Variants in UTRN observed in about 807,000 individuals in gnomAD.
UTRN encodes utrophin, also known as dystrophin-related protein 1.
A neutral mutation model predicts 463.9 loss-of-function variants in UTRN; 283 were observed. The observed-to-expected ratio is 0.61, with a 90% confidence interval of 0.55 to 0.67. The LOEUF is 0.67. Ranked by LOEUF, UTRN falls within the 30% of genes least tolerant of loss-of-function variation. The pLI is 0.00. For synonymous variants in UTRN, 1,442 were observed against 1,431.5 expected (o/e 1.01, Z -0.17); for missense variants, 3,922 against 4,084.3 (o/e 0.96, Z 1.08).
chr6:144,841,184 A>T (rs374607407), intron 73 of UTRN, among the ~76,000 whole-genome samples: 1 of 152,342 alleles, frequency 6.6e-6, no homozygotes, highest in East Asian at 1.9e-4. Flanking sequence ...AAGAGCTTTC[A>T]GTGGCATGCC....
chr6:144,560,249 T>C (rs1585274306), intron 50 of UTRN, among the ~76,000 whole-genome samples: 1 of 152,174 alleles, frequency 6.6e-6, no homozygotes, highest in African/African-American at 2.4e-5. Context: ...CAGGCTCTTA[T>C]TGTCTCTAAA....
intron 62 of UTRN, among the ~76,000 whole-genome samples, chr6:144,793,127 A>G (rs1178024452): frequency 6.6e-6 from 1 of 152,148 alleles, no homozygotes; most frequent in Non-Finnish European, 1.5e-5. Context: ...TTCTTATATA[A>G]AATAGATGTG....
chr6:144,404,250 T>C (rs910214057), intron 3 of UTRN, among the ~76,000 whole-genome samples: 1 of 152,194 alleles, frequency 6.6e-6, no homozygotes, highest in Non-Finnish European at 1.5e-5. Flanking sequence ...GGGTTAAAAA[T>C]ACAGAGAATT....
At chr6:144,783,392 G>A (rs1320704144) in intron 61 of UTRN, among the ~76,000 whole-genome samples, 1 of 152,140 alleles carries the variant, frequency 6.6e-6, no homozygotes, top group African/African-American at 2.4e-5. Flanking sequence ...AATGATGACA[G>A]TAGCTTTAGC....
At chr6:144,397,684 T>C (rs1782567703) in intron 2 of UTRN, among the ~76,000 whole-genome samples, 1 of 152,134 alleles carries the variant, frequency 6.6e-6, no homozygotes. Flanking sequence ...AGGCTTATTC[T>C]ATCTAGAATG....
At chr6:144,772,140 T>C (rs903244143) in intron 59 of UTRN, among the ~76,000 whole-genome samples, 172 bp downstream of exon 59, 14 of 147,264 alleles carry the variant, frequency 9.5e-5, no homozygotes, top group Non-Finnish European at 1.5e-4. Context: ...TTCAAGCAAT[T>C]CTCCTGCCTT....
intron 51 of UTRN, among the ~76,000 whole-genome samples, chr6:144,618,072 G>C (rs924008889): frequency 3.3e-5 from 5 of 152,174 alleles, no homozygotes; most frequent in Non-Finnish European, 7.3e-5. Flanking sequence ...ACATGTGAGT[G>C]TTAATGCACT....
intron 2 of UTRN, among the ~76,000 whole-genome samples, chr6:144,337,590 C>T (rs769032076): frequency 3.9e-5 from 6 of 152,014 alleles, no homozygotes; most frequent in Admixed American, 6.6e-5. Context: ...GGTCTGGCTC[C>T]GTGTGGTTTG....
At chr6:144,495,329 C>T (rs1382247508) in intron 33 of UTRN, among the ~76,000 whole-genome samples, 7 of 152,254 alleles carry the variant, frequency 4.6e-5, no homozygotes, top group African/African-American at 1.2e-4. Flanking sequence ...AGAAATTGAG[C>T]GCAGCGCCGG....
chr6:144,331,734 T>C (rs1179376552), intron 2 of UTRN, among the ~76,000 whole-genome samples: 1 of 152,196 alleles, frequency 6.6e-6, no homozygotes, highest in African/African-American at 2.4e-5. Context: ...GTGCTCATGA[T>C]ACATACTATG....
Position 144,429,751 on chromosome 6 carries a change from A to G in UTRN, c.855+10A>G. 1 of 1,601,290 alleles carries G rather than the reference A, an allele frequency of 6.2e-7. No individual in the cohort carries two copies. ...GGCAATTAATATACAGGTACAGGTA[A>G]CATTTTATTAAGATGTTTGGCTTGC... is the stretch of plus-strand genomic sequence containing the variant. On this transcript the variant is annotated intron_variant, in intron 9 of 74. Transcript: ENST00000367545.
intron 25 of UTRN, 46 bp from the exon 26 acceptor site, chr6:144,479,766 A>G: frequency 6.4e-7 from 1 of 1,569,968 alleles, no homozygotes; most frequent in Non-Finnish European, 8.6e-7. Flanking sequence ...TTGACATTGA[A>G]CACATTAACA....
chr6:144,322,120 A>C (rs982759308), intron 2 of UTRN, among the ~76,000 whole-genome samples: 4 of 152,228 alleles, frequency 2.6e-5, no homozygotes, highest in Non-Finnish European at 5.9e-5. Context: ...CTCCAAGCAA[A>C]TGATAATTAA....
intron 51 of UTRN, among the ~76,000 whole-genome samples, chr6:144,635,961 ATG>A (rs1299845734): frequency 1.3e-5 from 2 of 152,030 alleles, no homozygotes; most frequent in African/African-American, 2.4e-5. Flanking sequence ...AAATATATGA[ATG>A]TGGTGACTTT....
At chr6:144,531,864 G>A (rs4075776) in intron 42 of UTRN, among the ~76,000 whole-genome samples, 32,317 of 152,030 alleles carry the variant, frequency 0.21, 3,648 homozygotes, top group Middle Eastern at 0.28. Flanking sequence ...GTGGCCGGGC[G>A]CGGTGCCTCA....
chr6:144,842,045 G>A lies in UTRN; in HGVS notation c.10270+1213G>A, dbSNP rs552920945. 2.8e-5 allele frequency among the ~76,000 whole-genome samples: 4 copies of A among 143,138 alleles called. No individual in the cohort carries two copies. The East Asian group carries it at 9.2e-4, about 33-fold the overall frequency. The allele number at this position is 143,138 out of a possible 152,430, so 93.9% of individuals were successfully genotyped here. ...GAATCGCTTGAACCTGGGAGGTAGA[G>A]GTTGCAATGAGCCGAGATCGTGCCA... On this transcript the variant is annotated intron_variant, in intron 73 of 74. Coordinates refer to ENST00000367545, the MANE Select transcript of UTRN (RefSeq NM_007124.3).
rs776043248 is a variant in UTRN, at chr6:144,700,102, C to T, written c.7668C>T (p.Ala2556=). ...KSASIRAHLE[A]SAEKWNRLLM... Reference sequence around the variant, plus strand: ...CTCTCAACAGGGCCCATTTGGAGGCCAGCGCTGAGAAGTGGAACAGGTTGC... The same window carrying T: ...CTCTCAACAGGGCCCATTTGGAGGCTAGCGCTGAGAAGTGGAACAGGTTGC... Residue 2556 remains alanine (A), a synonymous_variant, in exon 53 of 75, where the codon GCC becomes GCT. Transcript: ENST00000367545. The T allele has an allele frequency of 6.2e-7, 1 of 1,601,922 alleles. No homozygotes were observed. Among genetic ancestry groups the T allele is most frequent in the Admixed American group, 1.7e-5 (1 of 59,738 alleles).
Position 144,827,597 on chromosome 6 carries a change from T to G in UTRN, c.9534-14T>G. On this transcript the variant is annotated splice_polypyrimidine_tract_variant and intron_variant, in intron 67 of 74. Transcript: ENST00000367545. Reference sequence around the variant, plus strand: ...TTGGGCATAAAATTATTGCTTTGTTTTTTTCTTTTAAAGCCCCTCACAATC... The same window carrying G: ...TTGGGCATAAAATTATTGCTTTGTTGTTTTCTTTTAAAGCCCCTCACAATC... The G allele has an allele frequency of 6.2e-7, 1 of 1,613,414 alleles. No individual in the cohort carries two copies. Among genetic ancestry groups the G allele is most frequent in the Non-Finnish European group, 8.5e-7 (1 of 1,179,672 alleles).
At position 144,737,827 on chromosome 6, in the gene UTRN, CTGT is replaced by C. The variant is rs1326791861; in HGVS notation, c.7939+7343_7939+7345del. Among the ~76,000 whole-genome samples the C allele has an allele frequency of 6.1e-5, 7 of 114,890 alleles. No homozygotes were observed. In the East Asian group the frequency reaches 4.3e-3, roughly 71 times the overall value. 75.4% of individuals were successfully genotyped at this position (114,890 alleles called of 152,430 possible). A position where few individuals can be genotyped will look rare whatever the true frequency, so the allele number is the denominator to read the frequency against. ...ACTTTTTCCTTTTAATGCAATTGAA[CTGT>C]TTTTTTTTTTTATTTTAATCCCTAG... On this transcript the variant is annotated intron_variant, in intron 54 of 74. Coordinates refer to ENST00000367545, the MANE Select transcript of UTRN (RefSeq NM_007124.3).
Sources: allele counts gnomAD v4.1 joint callset (sites outside exome capture counted in the v4.1 genomes callset), GRCh38; gene constraint gnomAD v4.1.1; transcripts MANE v1.5; gene names NCBI Gene and HGNC (gene_info 2026-07-23, HGNC 2026-07-21).